Variants in SUDS3 observed in about 807,000 individuals in gnomAD.
The protein encoded by SUDS3 is sin3 histone deacetylase corepressor complex component SDS3.
A neutral mutation model predicts 53.5 loss-of-function variants in SUDS3; 23 were observed. The ratio of observed to expected loss-of-function variants is 0.43; its 90% CI spans 0.31 to 0.61. The LOEUF (loss-of-function observed/expected upper bound fraction) is 0.61. SUDS3 is among the 20% of genes least tolerant of loss of function. SUDS3 has a pLI of 0.10. For synonymous variants in SUDS3, 150 were observed against 148.5 expected (o/e 1.01, Z -0.08); for missense variants, 291 against 405.9 (o/e 0.72, Z 2.43).
rs149813556 is a variant in SUDS3, at chr12:118,393,229, A to G, written c.517+1947A>G. On this transcript the variant is annotated intron_variant, in intron 6 of 11. Transcript: ENST00000543473. ...TTCCTCTAATTGAGTGACTTAGTTC[A>G]TCTTTGTGGATTGATGCCCAATATC... is the stretch of plus-strand genomic sequence containing the variant. Among the ~76,000 whole-genome samples the G allele has an allele frequency of 2.6e-5, 4 of 152,342 alleles. No homozygotes were observed. In the East Asian group the frequency reaches 7.7e-4, roughly 29 times the overall value.
chr12:118,386,777 A>T (rs2046118717), intron 4 of SUDS3, among the ~76,000 whole-genome samples: 2 of 152,212 alleles, frequency 1.3e-5, no homozygotes, highest in African/African-American at 4.8e-5. Context: ...TGTTTCATTG[A>T]CAAAAGATAC....
At chr12:118,393,713 C>G (rs1384343822) in intron 6 of SUDS3, among the ~76,000 whole-genome samples, 1 of 151,738 alleles carries the variant, frequency 6.6e-6, no homozygotes, top group Middle Eastern at 3.4e-3. Context: ...CTCTGTCGCC[C>G]AGGCTGGAAT....
At chr12:118,380,109 C>T in intron 1 of SUDS3, 53 bp from the exon 2 acceptor site, 1 of 1,474,008 alleles carries the variant, frequency 6.8e-7, no homozygotes, top group Non-Finnish European at 9.3e-7. Context: ...TCAGGTGACG[C>T]CAACTCCGTG....
At position 118,415,075 on chromosome 12, in the gene SUDS3, T is replaced by A. The variant is rs1323017340; in HGVS notation, c.*642T>A. The A allele has an allele frequency of 6.6e-6, 1 of 152,220 alleles. No homozygotes were observed. Among genetic ancestry groups the A allele is most frequent in the African/African-American group, 2.4e-5 (1 of 41,444 alleles). 9.4% of individuals were successfully genotyped at this position (152,220 alleles called of 1,614,324 possible). A position where few individuals can be genotyped will look rare whatever the true frequency, so the allele number is the denominator to read the frequency against. On this transcript the variant is annotated 3_prime_UTR_variant, in exon 12 of 12. Coordinates refer to ENST00000543473, the MANE Select transcript of SUDS3 (RefSeq NM_022491.3). ...ACTATGTGCACTGAAGTAAATGGGG[T>A]TGGGGGAGGGGACATTTCATATTTA...
At chr12:118,387,446 G>T (rs769539314) in intron 4 of SUDS3, among the ~76,000 whole-genome samples, 5 of 152,216 alleles carry the variant, frequency 3.3e-5, no homozygotes, top group Non-Finnish European at 7.3e-5. Context: ...TAAGATGGAA[G>T]TAAGGAAAGA....
chr12:118,394,438 G>T (rs2046195987), intron 6 of SUDS3, among the ~76,000 whole-genome samples: 1 of 152,156 alleles, frequency 6.6e-6, no homozygotes, highest in Non-Finnish European at 1.5e-5. Flanking sequence ...TAGTGGTTCA[G>T]CCAGTGTCTG....
Position 118,417,626 on chromosome 12 carries a change from C to T in SUDS3, c.*3193C>T, listed in dbSNP as rs973433516. On this transcript the variant is annotated 3_prime_UTR_variant, in exon 12 of 12. Coordinates refer to ENST00000543473, the MANE Select transcript of SUDS3 (RefSeq NM_022491.3). ...TGGTCTTTTTTTATAACATCGTTAACGGGTACCATTAAATATTCTGAGAGG... is the reference window on the plus strand; with the variant it reads ...TGGTCTTTTTTTATAACATCGTTAATGGGTACCATTAAATATTCTGAGAGG... The T allele has an allele frequency of 2.7e-5, 4 of 149,116 alleles. No homozygotes were observed. The highest frequency in any genetic ancestry group is 5.0e-5 in the African/African-American group (2 of 40,382). 9.2% of individuals were successfully genotyped at this position (149,116 alleles called of 1,614,324 possible).
intron 10 of SUDS3, among the ~76,000 whole-genome samples, chr12:118,403,748 G>C (rs7136004): frequency 0.56 from 85,209 of 152,000 alleles, 24,783 homozygotes; most frequent in African/African-American, 0.72. Flanking sequence ...CTCCATTCTG[G>C]TGTCTCTGTA....
intron 10 of SUDS3, among the ~76,000 whole-genome samples, chr12:118,407,872 A>G (rs560090081): frequency 6.8e-6 from 1 of 146,950 alleles, no homozygotes; most frequent in East Asian, 2.0e-4. Context: ...GCACACGCCA[A>G]TATGCCTGGC....
At chr12:118,396,684 A>G (rs1313063260) in intron 6 of SUDS3, among the ~76,000 whole-genome samples, 1 of 152,256 alleles carries the variant, frequency 6.6e-6, no homozygotes, top group African/African-American at 2.4e-5. Context: ...TGTACACTAT[A>G]GGCAGGTATG....
chr12:118,391,412 A>G, intron 6 of SUDS3, 130 bp downstream of exon 6: 2 of 1,042,696 alleles, frequency 1.9e-6, no homozygotes, highest in Non-Finnish European at 2.8e-6. Context: ...CTCATAGATC[A>G]GAGTTCCTCC....
In SUDS3 at chr12:118,376,726, C is replaced by T; in HGVS notation, c.35C>T (p.Ala12Val). ...GCGGGGCTGCTGGCCCCGGCCCCGG[C>T]CCAGGCTGGAGCGCCGCCGGCCCCC... ...SAAGLLAPAP[A>V]QAGAPPAPEY... is the part of the protein sequence containing the mutation. Residue 12 changes from alanine (A) to valine (V), a missense_variant, in exon 1 of 12, where the codon GCC becomes GTC. By Grantham distance (64) the Ala-to-Val change is moderately conservative. Around this residue, in one of 4 missense-constraint regions of SUDS3, gnomAD observed 149 missense variants for 146.5 expected, o/e 1.02. Coordinates refer to ENST00000543473, the MANE Select transcript of SUDS3 (RefSeq NM_022491.3). 6.5e-7 allele frequency: 1 copy of T among 1,529,996 alleles called. No homozygotes were observed. The highest frequency in any genetic ancestry group is 8.7e-7 in the Non-Finnish European group (1 of 1,144,018). The allele number at this position is 1,529,996 out of a possible 1,614,324, so 94.8% of individuals were successfully genotyped here.
Position 118,386,195 on chromosome 12 carries a change from C to T in SUDS3, c.340+10C>T. The T allele has an allele frequency of 1.9e-6, 3 of 1,585,422 alleles. No individual in the cohort carries two copies. The highest frequency in any genetic ancestry group is 1.8e-5 in the Admixed American group (1 of 56,526). On this transcript the variant is annotated intron_variant, in intron 4 of 11. Coordinates refer to ENST00000543473, the MANE Select transcript of SUDS3 (RefSeq NM_022491.3). ...AGGATACGGAATGCAGGTAAGGCTC[C>T]TTTAAATGGCAATGAATCATCTTTC...
At chr12:118,385,736 C>T (rs536792574) in intron 3 of SUDS3, among the ~76,000 whole-genome samples, 3 of 152,288 alleles carry the variant, frequency 2.0e-5, no homozygotes, top group African/African-American at 7.2e-5. Flanking sequence ...ATATAAAACA[C>T]ACCATTGCAG....
intron 11 of SUDS3, among the ~76,000 whole-genome samples, 182 bp downstream of exon 11, chr12:118,411,339 C>A (rs1359851917): frequency 6.6e-6 from 1 of 152,184 alleles, no homozygotes; most frequent in African/African-American, 2.4e-5. Context: ...AAAGTCCTTA[C>A]ATTCGCTTGA....
intron 7 of SUDS3, 28 bp downstream of exon 7, chr12:118,400,782 CCTTT>C: frequency 1.2e-6 from 2 of 1,605,400 alleles, no homozygotes; most frequent in South Asian, 1.1e-5. Flanking sequence ...GCCTTAACCG[CCTTT>C]CTTTTTTAAG....
chr12:118,413,492 A>G (rs1338477245), intron 11 of SUDS3, among the ~76,000 whole-genome samples: 1 of 152,174 alleles, frequency 6.6e-6, no homozygotes, highest in African/African-American at 2.4e-5. Flanking sequence ...GATAGTAGTT[A>G]TTTCATAGGG....
At chr12:118,400,611 A>G in intron 6 of SUDS3, 48 bp from the exon 7 acceptor site, 1 of 1,562,034 alleles carries the variant, frequency 6.4e-7, no homozygotes, top group Non-Finnish European at 8.8e-7. Flanking sequence ...ATTCTTACTG[A>G]CTTCAAGTGG....
rs1355135669 is a variant in SUDS3, at chr12:118,417,732, A to G, written c.*3299A>G. On this transcript the variant is annotated 3_prime_UTR_variant, in exon 12 of 12. Transcript: ENST00000543473. ...ACTTTCAAAGAGAAAACCAGCATGAAGTCTGTATTGTATCCATTGACTTGA... is the reference window on the plus strand; with the variant it reads ...ACTTTCAAAGAGAAAACCAGCATGAGGTCTGTATTGTATCCATTGACTTGA... 6.6e-6 allele frequency: 1 copy of G among 151,934 alleles called. No individual in the cohort carries two copies. The highest frequency in any genetic ancestry group is 1.5e-5 in the Non-Finnish European group (1 of 68,004). 9.4% of individuals were successfully genotyped at this position (151,934 alleles called of 1,614,324 possible).
Sources: gnomAD v4.1 joint callset for allele counts (sites outside exome capture counted in the v4.1 genomes callset) on GRCh38, gnomAD v4.1.1 for gene constraint, gnomAD v4.1.1 regional missense constraint, MANE v1.5 for transcripts, NCBI Gene and HGNC (gene_info 2026-07-23, HGNC 2026-07-21) for gene names.